ZFHX3: variants seen among roughly 807,000 people sequenced by gnomAD.
ZFHX3 encodes the protein zinc finger homeobox 3, also known as zinc finger homeobox protein 3.
A neutral mutation model predicts 279.1 loss-of-function variants in ZFHX3; 42 were observed. The observed-to-expected ratio is 0.15, with a 90% CI of 0.12 to 0.19. The LOEUF (loss-of-function observed/expected upper bound fraction) is 0.19. Ranked by LOEUF, ZFHX3 falls within the 10% of genes least tolerant of loss-of-function variation. The pLI, the probability that ZFHX3 is intolerant of heterozygous loss-of-function variation, is 1.00. For missense variants in ZFHX3, 4,981 were observed against 4,754.0 expected, an observed-to-expected ratio of 1.05 and a Z score of -1.40; for synonymous variants, 2,293 against 1,957.8, an observed-to-expected ratio of 1.17 and a Z score of -4.52.
chr16:73,427,583 C>G (rs937534654), intron 3 of ZFHX3, among the ~76,000 whole-genome samples: 4 of 152,128 alleles, frequency 2.6e-5, no homozygotes, highest in Non-Finnish European at 5.9e-5. Flanking sequence ...CTGTGCCCTG[C>G]ACGTTGGTGG....
At chr16:72,954,214 A>G (rs1359640806) in intron 2 of ZFHX3, among the ~76,000 whole-genome samples, 2 of 152,168 alleles carry the variant, frequency 1.3e-5, no homozygotes, top group Non-Finnish European at 2.9e-5. Context: ...TACTGAACAC[A>G]CAAAAATTAG....
At chr16:73,298,108 T>C (rs961793242) in intron 4 of ZFHX3, among the ~76,000 whole-genome samples, 1 of 151,756 alleles carries the variant, frequency 6.6e-6, no homozygotes, top group Admixed American at 6.6e-5. Flanking sequence ...GGAGGAGTGC[T>C]TGAGTCTAGG....
intron 2 of ZFHX3, among the ~76,000 whole-genome samples, chr16:73,481,766 T>A (rs1379882021): frequency 1.3e-5 from 2 of 152,160 alleles, no homozygotes; most frequent in Admixed American, 6.5e-5. Context: ...GTCCTGGGAT[T>A]ACAGGCATGA....
chr16:73,540,410 T>C (rs2019990482), intron 2 of ZFHX3, among the ~76,000 whole-genome samples: 1 of 152,210 alleles, frequency 6.6e-6, no homozygotes, highest in Non-Finnish European at 1.5e-5. Flanking sequence ...ATAACCCCTT[T>C]TTTCTTCAGG....
At chr16:73,563,247 T>G (rs1597000411) in intron 2 of ZFHX3, among the ~76,000 whole-genome samples, 1 of 150,490 alleles carries the variant, frequency 6.6e-6, no homozygotes, top group Non-Finnish European at 1.5e-5. Flanking sequence ...TGTTTTTGTT[T>G]TTTTTTTTGA....
Position 72,901,434 on chromosome 16 carries a change from G to C in ZFHX3, c.3217-11472C>G, listed in dbSNP as rs79124374. Among the ~76,000 whole-genome samples, 1,064 of 152,264 alleles carry C rather than the reference G, an allele frequency of 7.0e-3. 15 individuals are homozygous for C. Among genetic ancestry groups the C allele is most frequent in the African/African-American group, 0.02 (837 of 41,552 alleles). On this transcript the variant is annotated intron_variant, in intron 3 of 9. Coordinates refer to ENST00000268489, the MANE Select transcript of ZFHX3 (RefSeq NM_006885.4). The stretch of plus-strand genomic sequence containing the variant: ...ATCACCTTCATAATGAGAGAAGACA[G>C]GGCAGCCGGCGCAACACAAGCAGGA...
At chr16:73,681,676 G>A (rs936705673) in intron 1 of ZFHX3, among the ~76,000 whole-genome samples, 8 of 152,146 alleles carry the variant, frequency 5.3e-5, no homozygotes, top group African/African-American at 9.7e-5. Context: ...CCAAAGACAG[G>A]CACCTGATCC....
intron 1 of ZFHX3, among the ~76,000 whole-genome samples, chr16:73,867,006 G>A (rs926424865): frequency 2.1e-4 from 32 of 151,988 alleles, no homozygotes; most frequent in African/African-American, 6.5e-4. Flanking sequence ...ATCTCACGTC[G>A]TCTTGTGCTT....
intron 8 of ZFHX3, among the ~76,000 whole-genome samples, chr16:73,074,190 T>C (rs904336069): frequency 3.3e-5 from 5 of 152,220 alleles, no homozygotes; most frequent in Non-Finnish European, 7.3e-5. Flanking sequence ...TGGAGAATAA[T>C]ACGAAGGAGG....
At position 73,424,753 on chromosome 16, in the gene ZFHX3, CAAAAAAAA is replaced by C. The variant is rs71156163; in HGVS notation, c.-1291+31242_-1291+31249del. Among the ~76,000 whole-genome samples, 172 of 95,790 alleles carry C rather than the reference CAAAAAAAA, an allele frequency of 1.8e-3. 1 individual carries two copies. Among genetic ancestry groups the C allele is most frequent in the Middle Eastern group, 6.8e-3 (1 of 148 alleles). 62.8% of individuals were successfully genotyped at this position (95,790 alleles called of 152,430 possible). ...TGGGAGACAGAGTGATACCCTGTGTCAAAAAAAAAAAAAAAAAAAAAAAAGAGAAAGAA... is the reference window on the plus strand; with the variant it reads ...TGGGAGACAGAGTGATACCCTGTGTCAAAAAAAAAAAAAAAAGAGAAAGAA... On this transcript the variant is annotated intron_variant, in intron 3 of 17. Coordinates refer to the ZFHX3 transcript ENST00000641206.
intron 1 of ZFHX3, among the ~76,000 whole-genome samples, chr16:73,806,273 C>T (rs147967875): frequency 6.6e-4 from 101 of 152,282 alleles, no homozygotes; most frequent in African/African-American, 2.4e-3. Context: ...CAGAGCACAT[C>T]TGGAGTAGAA....
At position 72,783,398 on chromosome 16, in the gene ZFHX3, TTTTAA is replaced by T. The variant is rs575309058; in HGVS notation, c.*3761_*3765del. 3 of 152,508 alleles carry T rather than the reference TTTTAA, an allele frequency of 2.0e-5. No homozygotes were observed. The highest frequency in any genetic ancestry group is 2.0e-4 in the Admixed American group (3 of 15,266). The allele number at this position is 152,508 out of a possible 1,614,324, so 9.4% of individuals were successfully genotyped here. Reference sequence around the variant, plus strand: ...TCAATTTATGCTTCTATTTAAAATGTTTTAATTTATTATTTAAAAAAAATATATGT... The same window carrying T: ...TCAATTTATGCTTCTATTTAAAATGTTTTATTATTTAAAAAAAATATATGT... On this transcript the variant is annotated 3_prime_UTR_variant, in exon 10 of 10. Transcript: ENST00000268489.
chr16:73,439,991 C>T (rs546828505), intron 3 of ZFHX3, among the ~76,000 whole-genome samples: 5 of 147,652 alleles, frequency 3.4e-5, no homozygotes, highest in South Asian at 2.2e-4. Context: ...GGTGTAGGCA[C>T]GGGGTTGAGA....
At chr16:73,509,014 C>T (rs1419146010) in intron 2 of ZFHX3, among the ~76,000 whole-genome samples, 2 of 152,214 alleles carry the variant, frequency 1.3e-5, no homozygotes, top group East Asian at 1.9e-4. Context: ...TGGACCAAAC[C>T]CATCCCAAAT....
intron 3 of ZFHX3, among the ~76,000 whole-genome samples, chr16:72,898,886 G>T (rs1237937176): frequency 1.3e-5 from 2 of 152,056 alleles, no homozygotes; most frequent in African/African-American, 2.4e-5. Flanking sequence ...AGATCATAAT[G>T]TCACAAGCAA....
At chr16:72,946,188 A>G (rs1171722648) in intron 3 of ZFHX3, among the ~76,000 whole-genome samples, 1 of 152,108 alleles carries the variant, frequency 6.6e-6, no homozygotes, top group East Asian at 1.9e-4. Flanking sequence ...CTATGTGGAG[A>G]ATCTGGCCAT....
intron 1 of ZFHX3, among the ~76,000 whole-genome samples, chr16:73,682,326 T>C (rs1404678514): frequency 6.6e-6 from 1 of 152,176 alleles, no homozygotes; most frequent in Non-Finnish European, 1.5e-5. Flanking sequence ...AAATACATTT[T>C]CTTATATAAA....
At chr16:73,302,741 G>C (rs1458199549) in intron 4 of ZFHX3, among the ~76,000 whole-genome samples, 3 of 152,338 alleles carry the variant, frequency 2.0e-5, no homozygotes, top group East Asian at 3.9e-4. Flanking sequence ...GTCAAGGCCG[G>C]TGGGTGACGA....
chr16:73,801,563 TTAC>T (rs1172936848), intron 1 of ZFHX3, among the ~76,000 whole-genome samples: 5 of 152,218 alleles, frequency 3.3e-5, no homozygotes, highest in African/African-American at 1.2e-4. Flanking sequence ...CTGCTGCTAA[TTAC>T]TACATTAATT....
Sources: allele counts gnomAD v4.1 joint callset (sites outside exome capture counted in the v4.1 genomes callset), GRCh38; gene constraint gnomAD v4.1.1; transcripts MANE v1.5; gene names NCBI Gene and HGNC (gene_info 2026-07-23, HGNC 2026-07-21).